Variants in DDX51 observed in about 807,000 individuals in gnomAD.
The protein encoded by DDX51 is ATP-dependent RNA helicase DDX51.
A neutral mutation model predicts 74.6 loss-of-function variants in DDX51; 67 were observed. The observed-to-expected ratio is 0.90, with a 90% CI of 0.74 to 1.10. DDX51 has a LOEUF of 1.10. Ranked by LOEUF, DDX51 falls within the 50% of genes least tolerant of loss-of-function variation. The pLI, the probability that DDX51 is intolerant of heterozygous loss-of-function variation, is 0.00. For missense variants in DDX51, 1,056 were observed against 905.2 expected, an observed-to-expected ratio of 1.17 and a Z score of -2.14; for synonymous variants, 545 against 402.9, an observed-to-expected ratio of 1.35 and a Z score of -4.22.
Position 132,143,884 on chromosome 12 carries a change from C to A in DDX51, c.330G>T (p.Glu110Asp). The A allele has an allele frequency of 6.6e-7, 1 of 1,513,544 alleles. No individual in the cohort carries two copies. The highest frequency in any genetic ancestry group is 2.7e-5 in the East Asian group (1 of 36,718). 93.8% of individuals were successfully genotyped at this position (1,513,544 alleles called of 1,614,324 possible). Residue 110 changes from glutamate to aspartate, a missense_variant, in exon 2 of 15, where the codon GAG becomes GAT. Glu to Asp is a conservative substitution (Grantham distance 45). Transcript: ENST00000397333. ...CCTCCTCGCTGCTCCCTGCGCTGGG[C>A]TCCCCTGGCGCCTCCTCGTTGCTTT... ...GAESNEEAPG[E>D]PSAGSSEEAP...
At chr12:132,142,475 G>A in intron 3 of DDX51, 53 bp from the exon 4 acceptor site, 1 of 1,583,612 alleles carries the variant, frequency 6.3e-7, no homozygotes, top group South Asian at 1.1e-5. Context: ...GCCTAGGCCT[G>A]CCGCTTCCCT....
Position 132,143,889 on chromosome 12 carries a change from C to T in DDX51, c.325G>A (p.Gly109Arg). 1 of 1,522,716 alleles carries T rather than the reference C, an allele frequency of 6.6e-7. No individual in the cohort carries two copies. The highest frequency in any genetic ancestry group is 1.2e-5 in the South Asian group (1 of 82,972). 94.3% of individuals were successfully genotyped at this position (1,522,716 alleles called of 1,614,324 possible). The change falls in exon 2 of 15, where the codon GGG becomes AGG. Residue 109 changes from glycine to arginine, a missense_variant. Coordinates refer to ENST00000397333, the MANE Select transcript of DDX51 (RefSeq NM_175066.4). ...TCGCTGCTCCCTGCGCTGGGCTCCC[C>T]TGGCGCCTCCTCGTTGCTTTCTGCG... ...AGAESNEEAP[G>R]EPSAGSSEEA...
Position 132,141,516 on chromosome 12 carries a change from G to C in DDX51, c.1086C>G (p.Leu362=), listed in dbSNP as rs530528528. ...DHIDQTPGFS[L]QQLRFLIIDE... is the part of the protein sequence containing the mutation. Reference sequence around the variant, plus strand: ...GACCTACCAGGAAGCGGAGCTGCTGGAGGCTGAATCCTGGGGTCTGGTCGA... The same window carrying C: ...GACCTACCAGGAAGCGGAGCTGCTGCAGGCTGAATCCTGGGGTCTGGTCGA... The change falls in exon 7 of 15, where the codon CTC becomes CTG. Residue 362 remains leucine (L), a synonymous_variant. Coordinates refer to ENST00000397333, the MANE Select transcript of DDX51 (RefSeq NM_175066.4). 1 of 1,598,286 alleles carries C rather than the reference G, an allele frequency of 6.3e-7. No individual in the cohort carries two copies. Among genetic ancestry groups the C allele is most frequent in the Admixed American group, 1.7e-5 (1 of 59,142 alleles).
chr12:132,141,012 C>G lies in DDX51; in HGVS notation c.1259G>C (p.Cys420Ser). 2 of 1,592,894 alleles carry G rather than the reference C, an allele frequency of 1.3e-6. No homozygotes were observed. Among genetic ancestry groups the G allele is most frequent in the Non-Finnish European group, 1.7e-6 (2 of 1,172,502 alleles). ...AQAVTAASTC[C>S]PQMPLQKLLF... ...CAGCTTCTGCAGGGGCATCTGGGGA[C>G]AGCAGGTGCTGGAAGAGAAGGGGGT... Residue 420 changes from cysteine (C) to serine (S), a missense_variant, in exon 9 of 15, where the codon TGT (cysteine) becomes TCT (serine). Coordinates refer to ENST00000397333, the MANE Select transcript of DDX51 (RefSeq NM_175066.4).
In DDX51 at chr12:132,141,949, TTGCTCACC is replaced by T. The variant is rs1897481907; in HGVS notation, c.889-1_895del. 6.2e-7 allele frequency: 1 copy of T among 1,612,762 alleles called. No individual in the cohort carries two copies. Among genetic ancestry groups the T allele is most frequent in the Non-Finnish European group, 8.5e-7 (1 of 1,179,870 alleles). On this transcript the variant is annotated splice_acceptor_variant and coding_sequence_variant, in exon 6 of 15. Coordinates refer to ENST00000397333, the MANE Select transcript of DDX51 (RefSeq NM_175066.4). LOFTEE classifies it high-confidence loss of function. The stretch of plus-strand genomic sequence containing the variant: ...GGCATCTGTGTAGATGTTGAAAACT[TTGCTCACC>T]TGCAGGAGAAGTCTGTCACTGGCCT...
At chr12:132,141,804 G>A (rs767968422) in intron 6 of DDX51, 46 bp downstream of exon 6, 1 of 1,598,224 alleles carries the variant, frequency 6.3e-7, no homozygotes, top group Non-Finnish European at 8.6e-7. Flanking sequence ...CACCTGCAGG[G>A]CTGAGCAGGG....
At chr12:132,141,634 AG>A in intron 6 of DDX51, 28 bp from the exon 7 acceptor site, 2 of 1,547,368 alleles carry the variant, frequency 1.3e-6, no homozygotes, top group Non-Finnish European at 1.7e-6. Context: ...GCTCGAGAGA[AG>A]GAAGCTTTCT....
At chr12:132,142,232 G>C (rs1279922455) in intron 4 of DDX51, 42 bp from the exon 5 acceptor site, 3 of 1,594,396 alleles carry the variant, frequency 1.9e-6, no homozygotes, top group African/African-American at 1.5e-5. Context: ...GCTGTTACCT[G>C]TCCTCTGCAC....
At chr12:132,140,325 C>A in intron 11 of DDX51, 98 bp downstream of exon 11, 1 of 1,565,770 alleles carries the variant, frequency 6.4e-7, no homozygotes, top group Non-Finnish European at 8.7e-7. Context: ...GCACAGGAAG[C>A]CAATTTGCAG....
chr12:132,140,636 G>C lies in DDX51; in HGVS notation c.1540C>G (p.Arg514Gly), dbSNP rs770732465. 1.2e-6 allele frequency: 2 copies of C among 1,612,924 alleles called. No individual in the cohort carries two copies. The highest frequency in any genetic ancestry group is 1.7e-6 in the Non-Finnish European group (2 of 1,180,020). ...GGGCCTCACCTGTGGGAGTTCTCTC[G>C]GGAGTTAGTGAAGCAGAGAACCCTC... ...FSRVLCFTNS[R>G]ENSHRLFLLV... The change falls in exon 10 of 15, where the codon CGA (arginine) becomes GGA (glycine). Residue 514 changes from arginine (R) to glycine (G), a missense_variant. Arg to Gly is a moderately radical substitution (Grantham distance 125, BLOSUM62 -2). Coordinates refer to ENST00000397333, the MANE Select transcript of DDX51 (RefSeq NM_175066.4).
At chr12:132,141,065 C>G (rs1897438830) in intron 8 of DDX51, 45 bp from the exon 9 acceptor site, 5 of 1,551,576 alleles carry the variant, frequency 3.2e-6, no homozygotes, top group Non-Finnish European at 3.5e-6. Flanking sequence ...AGTGGCTGCC[C>G]CGAACCTCCA....
In DDX51 at chr12:132,141,257, G is replaced by A. The variant is rs755550803; in HGVS notation, c.1250+18C>T. 13 of 1,579,512 alleles carry A rather than the reference G, an allele frequency of 8.2e-6. No homozygotes were observed. Among genetic ancestry groups the A allele is most frequent in the East Asian group, 2.2e-5 (1 of 44,598 alleles). On this transcript the variant is annotated intron_variant, in intron 8 of 14. Coordinates refer to ENST00000397333, the MANE Select transcript of DDX51 (RefSeq NM_175066.4). ...CTCTGCTCAGGGGAGGCCAGCACCT[G>A]GGCGTGCTGCTGGATACCTGGCGGC...
At chr12:132,142,633 A>T (rs1254738552) in intron 3 of DDX51, 95 bp downstream of exon 3, 15 of 1,544,210 alleles carry the variant, frequency 9.7e-6, no homozygotes, top group Non-Finnish European at 1.3e-5. Context: ...CTTGGCACCG[A>T]TGTGGCAGGG....
rs749812289 is a variant in DDX51, at chr12:132,143,854, T to C, written c.360A>G (p.Pro120=). Reference sequence around the variant, plus strand: ...CGCTGCTCCCTGCGCTGGGCTCCCCTGGCGCCTCCTCGCTGCTCCCTGCGC... The same window carrying C: ...CGCTGCTCCCTGCGCTGGGCTCCCCCGGCGCCTCCTCGCTGCTCCCTGCGC... ...EPSAGSSEEA[P]GEPSAGSSEE... Residue 120 remains proline, a synonymous_variant, in exon 2 of 15, where the codon CCA becomes CCG. Transcript: ENST00000397333. 3.9e-5 allele frequency: 58 copies of C among 1,497,314 alleles called. No homozygotes were observed. The highest frequency in any genetic ancestry group is 2.6e-4 in the East Asian group (9 of 35,084). 92.8% of individuals were successfully genotyped at this position (1,497,314 alleles called of 1,614,324 possible). A position where few individuals can be genotyped will look rare whatever the true frequency, so the allele number is the denominator to read the frequency against.
At chr12:132,141,699 C>A in intron 6 of DDX51, 93 bp from the exon 7 acceptor site, 1 of 1,487,942 alleles carries the variant, frequency 6.7e-7, no homozygotes, top group Non-Finnish European at 9.1e-7. Context: ...CGACTCCACC[C>A]CACATGGGAA....
rs750001522 is a variant in DDX51 at position 132,141,944 on chromosome 12, A to G, written c.901T>C (p.Phe301Leu). ...GGTGTGGCATCTGTGTAGATGTTGA[A>G]AACTTTGCTCACCTGCAGGAGAAGT... ...KELAQQVSKV[F>L]NIYTDATPLR... The change falls in exon 6 of 15, where the codon TTC becomes CTC. Residue 301 changes from phenylalanine to leucine, a missense_variant. By Grantham distance (22) the Phe-to-Leu change is conservative. Coordinates refer to ENST00000397333, the MANE Select transcript of DDX51 (RefSeq NM_175066.4). The G allele has an allele frequency of 3.7e-6, 6 of 1,612,508 alleles. No homozygotes were observed. The highest frequency in any genetic ancestry group is 1.1e-5 in the South Asian group (1 of 91,068).
At chr12:132,143,385 G>A (rs1044077868) in intron 2 of DDX51, 8 of 521,174 alleles carry the variant, frequency 1.5e-5, no homozygotes, top group Non-Finnish European at 2.0e-5. Flanking sequence ...TCAGGAGCTT[G>A]CAGAACGGCC....
rs770253687 is a variant in DDX51 at position 132,143,733 on chromosome 12, G to A, written c.481C>T (p.Leu161=). 1.8e-5 allele frequency: 28 copies of A among 1,533,948 alleles called. No individual in the cohort carries two copies. Among genetic ancestry groups the A allele is most frequent in the Non-Finnish European group, 2.4e-5 (27 of 1,142,714 alleles). The change falls in exon 2 of 15, where the codon CTG becomes TTG. Residue 161 remains leucine (L), a synonymous_variant. Coordinates refer to ENST00000397333, the MANE Select transcript of DDX51 (RefSeq NM_175066.4). ...CTCTTCCCGAACCCCCCCAGCACCA[G>A]GCCGGGGACCAGGGGTCCGGCCGCC... is the stretch of plus-strand genomic sequence containing the variant. ...EEAAGPLVPG[L]VLGGFGKRKA... is the part of the protein sequence containing the mutation.
Position 132,140,944 on chromosome 12 carries a change from G to A in DDX51, c.1327C>T (p.Gln443Ter). ...AGCCGGGGCTGGTGGAGGCCCAGCT[G>A]CTGCAGCTTTTCAGGGTTCTGGGTC... Reference protein sequence around the residue: ...TLTQNPEKLQQLGLHQPRLFS... With the variant: ...TLTQNPEKLQ Residue 443 changes from glutamine (Q) to a stop codon, truncating the protein, a stop_gained, in exon 9 of 15, where the codon CAG becomes TAG. Coordinates refer to ENST00000397333, the MANE Select transcript of DDX51 (RefSeq NM_175066.4). LOFTEE classifies it high-confidence loss of function. 1.2e-6 allele frequency: 2 copies of A among 1,613,218 alleles called. No homozygotes were observed. Among genetic ancestry groups the A allele is most frequent in the Non-Finnish European group, 1.7e-6 (2 of 1,179,904 alleles).
Sources: allele counts gnomAD v4.1 joint callset, GRCh38; gene constraint gnomAD v4.1.1; transcripts MANE v1.5; gene names NCBI Gene and HGNC (gene_info 2026-07-23, HGNC 2026-07-21).